ADAM17: variants seen among roughly 807,000 people sequenced by gnomAD.
ADAM17 encodes ADAM metallopeptidase domain 17.
Under a neutral mutation model 96.7 loss-of-function variants are expected in ADAM17, and 39 were observed. The ratio of observed to expected loss-of-function variants is 0.40; its 90% CI spans 0.31 to 0.53. The LOEUF (loss-of-function observed/expected upper bound fraction) is 0.53, where lower values mean the gene tolerates loss of function less well. Ranked by LOEUF, ADAM17 falls within the 20% of genes least tolerant of loss-of-function variation. The pLI is 0.44. For synonymous variants in ADAM17, 344 were observed against 359.2 expected, an observed-to-expected ratio of 0.96 and a Z score of 0.48; for missense variants, 777 against 1,013.2, an observed-to-expected ratio of 0.77 and a Z score of 3.17.
chr2:9,493,970 C>A, intron 15 of ADAM17, 145 bp from the exon 16 acceptor site: 1 of 619,330 alleles, frequency 1.6e-6, no homozygotes. Context: ...ATAACTTCCG[C>A]GTAATGAGTA....
chr2:9,499,186 A>C (rs1441499207), intron 13 of ADAM17, among the ~76,000 whole-genome samples: 1 of 150,708 alleles, frequency 6.6e-6, no homozygotes, highest in Admixed American at 6.6e-5. Flanking sequence ...CTTATCAGGA[A>C]CTTATCCTCT....
intron 10 of ADAM17, among the ~76,000 whole-genome samples, chr2:9,514,674 C>A (rs6432013): frequency 0.7 from 104,616 of 148,846 alleles, 38,848 homozygotes; most frequent in African/African-American, 0.93. Flanking sequence ...GAGATTGAGA[C>A]CATCCTGGCT....
chr2:9,533,260 A>G (rs1381956629), intron 4 of ADAM17, among the ~76,000 whole-genome samples: 1 of 151,986 alleles, frequency 6.6e-6, no homozygotes, highest in Non-Finnish European at 1.5e-5. Context: ...TTAAGAATTA[A>G]TAAGCTGGCC....
intron 13 of ADAM17, among the ~76,000 whole-genome samples, chr2:9,501,024 T>G (rs1662968051): frequency 1.3e-5 from 2 of 152,078 alleles, no homozygotes; most frequent in South Asian, 4.1e-4. Flanking sequence ...TTTGATTACG[T>G]TAAAGATTTC....
At chr2:9,515,190 T>G (rs1255943183) in intron 10 of ADAM17, among the ~76,000 whole-genome samples, 3 of 152,184 alleles carry the variant, frequency 2.0e-5, no homozygotes, top group African/African-American at 7.2e-5. Context: ...CATCTAGCAA[T>G]CACTGATCAT....
rs182226280 is a variant in ADAM17 at position 9,505,463 on chromosome 2, A to G, written c.1345-98T>C. 94 of 1,281,746 alleles carry G rather than the reference A, an allele frequency of 7.3e-5. 3 individuals are homozygous for G. In the Admixed American group the frequency reaches 1.4e-3, roughly 20 times the overall value. 79.4% of individuals were successfully genotyped at this position (1,281,746 alleles called of 1,614,324 possible). A position where few individuals can be genotyped will look rare whatever the true frequency, so the allele number is the denominator to read the frequency against. ...TCTCTAGAGACAAACTCTTAATGTA[A>G]AACCACCATCAGAGCCACCCTGGAG... On this transcript the variant is annotated intron_variant, in intron 11 of 18. Transcript: ENST00000310823.
intron 7 of ADAM17, chr2:9,522,132 C>G (rs1664340416): frequency 3.2e-6 from 1 of 310,116 alleles, no homozygotes; most frequent in Non-Finnish European, 5.8e-6. Flanking sequence ...TTCCCTGAAA[C>G]TCAAACATGA....
intron 12 of ADAM17, among the ~76,000 whole-genome samples, chr2:9,504,126 G>A (rs1409439238): frequency 6.6e-6 from 1 of 152,050 alleles, no homozygotes; most frequent in Non-Finnish European, 1.5e-5. Flanking sequence ...ACTCCATCTT[G>A]GGCAACAGAC....
In ADAM17 at chr2:9,489,157, TTTGTTG is replaced by T. The variant is rs34423700; in HGVS notation, c.*1014_*1019del. 46 of 146,244 alleles carry T rather than the reference TTTGTTG, an allele frequency of 3.1e-4. No homozygotes were observed. The highest frequency in any genetic ancestry group is 9.5e-4 in the Admixed American group (14 of 14,712). 9.1% of individuals were successfully genotyped at this position (146,244 alleles called of 1,614,324 possible). ...ATCACATTCAAAACAACCTGTTTTT[TTTGTTG>T]TTGTTGTTGTTAAGAAATATCTCAC... On this transcript the variant is annotated 3_prime_UTR_variant, in exon 19 of 19. Transcript: ENST00000310823.
intron 10 of ADAM17, among the ~76,000 whole-genome samples, chr2:9,514,518 AATATATATATATATATATATATAT>A (rs70948826): frequency 0.34 from 30,256 of 89,950 alleles, 5,262 homozygotes; most frequent in Middle Eastern, 0.42. Flanking sequence ...TTAAAATATA[AATATATATATATATATATATATAT>A]ATATATATAT....
chr2:9,492,827 C>T, intron 17 of ADAM17, 71 bp downstream of exon 17: 1 of 1,339,356 alleles, frequency 7.5e-7, no homozygotes, highest in Non-Finnish European at 1.0e-6. Context: ...TTACCTTTTC[C>T]AGAGATTACA....
In ADAM17 at chr2:9,512,694, A is replaced by G. The variant is rs141171873; in HGVS notation, c.1192-2563T>C. ...CAGAGAGGTCAAGGAGAATCTGGAC[A>G]GGCCTTGGTGGGCTTCCCCACTCAG... On this transcript the variant is annotated intron_variant, in intron 10 of 18. Coordinates refer to ENST00000310823, the MANE Select transcript of ADAM17 (RefSeq NM_003183.6). Among the ~76,000 whole-genome samples, 446 of 152,334 alleles carry G rather than the reference A, an allele frequency of 2.9e-3. 2 individuals carry two copies. Among genetic ancestry groups the G allele is most frequent in the African/African-American group, 0.01 (431 of 41,584 alleles).
At position 9,521,356 on chromosome 2, in the gene ADAM17, A is replaced by C. The variant is rs370013838; in HGVS notation, c.844-40T>G. 2.0e-4 allele frequency: 281 copies of C among 1,381,104 alleles called. 1 individual carries two copies. In the African/African-American group the frequency reaches 3.5e-3, roughly 17 times the overall value. 85.6% of individuals were successfully genotyped at this position (1,381,104 alleles called of 1,614,324 possible). On this transcript the variant is annotated intron_variant, in intron 7 of 18. Transcript: ENST00000310823. ...ATCATATACTTAGAACACTTCCAAAATAAGTCAGAAGGCTCTGAATACTGC... is the reference window on the plus strand; with the variant it reads ...ATCATATACTTAGAACACTTCCAAACTAAGTCAGAAGGCTCTGAATACTGC...
chr2:9,522,290 C>T (rs939186548), intron 7 of ADAM17: 1 of 469,140 alleles, frequency 2.1e-6, no homozygotes, highest in Non-Finnish European at 3.8e-6. Flanking sequence ...ATACACTATA[C>T]CTGCATACGA....
intron 2 of ADAM17, among the ~76,000 whole-genome samples, chr2:9,540,148 C>A (rs1202315172): frequency 1.3e-5 from 2 of 152,184 alleles, no homozygotes; most frequent in Non-Finnish European, 2.9e-5. Context: ...ATTCTACAGG[C>A]CACTTCAAAT....
chr2:9,537,902 G>GGTAT (rs1665034331), intron 2 of ADAM17, among the ~76,000 whole-genome samples: 1 of 64,810 alleles, frequency 1.5e-5, no homozygotes, highest in Admixed American at 1.3e-4. Flanking sequence ...GAGGGGAGGG[G>GGTAT]AGGAGAGGGG....
chr2:9,553,695 GAAAA>G (rs1665655191), intron 1 of ADAM17, among the ~76,000 whole-genome samples: 1 of 142,342 alleles, frequency 7.0e-6, no homozygotes, highest in Non-Finnish European at 1.5e-5. Flanking sequence ...AAAAAAGAAA[GAAAA>G]AGAAAAGAAA....
At chr2:9,526,268 T>C (rs368522167) in intron 5 of ADAM17, 24 bp from the exon 6 acceptor site, 27 of 1,600,214 alleles carry the variant, frequency 1.7e-5, no homozygotes, top group East Asian at 2.2e-5. Flanking sequence ...GTATGCACTA[T>C]TAAATCAAAA....
At chr2:9,550,046 T>C (rs1665534143) in intron 1 of ADAM17, among the ~76,000 whole-genome samples, 1 of 152,096 alleles carries the variant, frequency 6.6e-6, no homozygotes, top group Non-Finnish European at 1.5e-5. Flanking sequence ...GTGTTTATTG[T>C]GTTTGTGCTG....
Sources: allele counts gnomAD v4.1 joint callset (sites outside exome capture counted in the v4.1 genomes callset), GRCh38; gene constraint gnomAD v4.1.1; transcripts MANE v1.5; gene names NCBI Gene and HGNC (gene_info 2026-07-23, HGNC 2026-07-21).